Variants in VTI1A observed in about 807,000 individuals in gnomAD.
VTI1A encodes the protein vesicle transport through interaction with t-SNAREs homolog 1A.
A neutral mutation model predicts 34.9 loss-of-function variants in VTI1A; 22 were observed. The ratio of observed to expected loss-of-function variants is 0.63; its 90% CI spans 0.45 to 0.90. The LOEUF is 0.90. Among genes scored for constraint, VTI1A ranks in the 40% least tolerant of loss-of-function variants. The pLI, the probability that VTI1A is intolerant of heterozygous loss-of-function variation, is 0.00. For synonymous variants in VTI1A, 87 were observed against 97.3 expected (o/e 0.89, Z 0.62); for missense variants, 268 against 275.6 (o/e 0.97, Z 0.20).
intron 5 of VTI1A, chr10:112,548,929 A>T: frequency 1.3e-6 from 1 of 788,196 alleles, no homozygotes; most frequent in African/African-American, 1.7e-5. Flanking sequence ...ATTTTCTTCT[A>T]CTTCTACCTC....
At position 112,817,889 on chromosome 10, in the gene VTI1A, A is replaced by G. The variant is rs1853570496; in HGVS notation, c.*2506A>G. 1 of 233,210 alleles carries G rather than the reference A, an allele frequency of 4.3e-6. No individual in the cohort carries two copies. Among genetic ancestry groups the G allele is most frequent in the Admixed American group, 5.6e-5 (1 of 17,770 alleles). 14.4% of individuals were successfully genotyped at this position (233,210 alleles called of 1,614,324 possible). A position where few individuals can be genotyped will look rare whatever the true frequency, so the allele number is the denominator to read the frequency against. ...GATGAAGGCATGGAGGAGGAAGAAG[A>G]GAAGGAAGCCCTTGCCATATAAAAT... On this transcript the variant is annotated 3_prime_UTR_variant, in exon 8 of 8. Coordinates refer to ENST00000393077, the MANE Select transcript of VTI1A (RefSeq NM_145206.4).
At chr10:112,546,105 TGTATACAC>T (rs1851107212) in intron 5 of VTI1A, among the ~76,000 whole-genome samples, 1 of 148,160 alleles carries the variant, frequency 6.7e-6, no homozygotes, top group Non-Finnish European at 1.5e-5. Context: ...TGTATATACG[TGTATACAC>T]GTGTGTGTGT....
intron 5 of VTI1A, among the ~76,000 whole-genome samples, chr10:112,572,967 G>C (rs1407114730): frequency 6.6e-6 from 1 of 151,828 alleles, no homozygotes. Context: ...AGTTAAATCA[G>C]CTTTGTCTGG....
chr10:112,735,913 G>A (rs1010611589), intron 7 of VTI1A, among the ~76,000 whole-genome samples: 4 of 150,968 alleles, frequency 2.6e-5, no homozygotes, highest in South Asian at 2.1e-4. Context: ...ACAGAGACAC[G>A]GGGACAACGA....
At chr10:112,700,525 T>G (rs933931318) in intron 7 of VTI1A, among the ~76,000 whole-genome samples, 5 of 152,234 alleles carry the variant, frequency 3.3e-5, no homozygotes, top group African/African-American at 1.2e-4. Context: ...AGGCCTCAAA[T>G]GCATAATAAA....
intron 5 of VTI1A, among the ~76,000 whole-genome samples, chr10:112,616,991 A>T (rs1375220204): frequency 2.6e-5 from 4 of 152,190 alleles, no homozygotes; most frequent in African/African-American, 9.7e-5. Context: ...ATTTGAAAAG[A>T]TAATATCTGA....
intron 5 of VTI1A, among the ~76,000 whole-genome samples, chr10:112,613,879 G>T (rs1035993098): frequency 6.6e-6 from 1 of 152,190 alleles, no homozygotes; most frequent in Non-Finnish European, 1.5e-5. Flanking sequence ...TCTGTCATGC[G>T]TCAGCCTCAA....
At chr10:112,838,142 G>GTGGAAA in the VTI1A span, among the ~76,000 whole-genome samples, 1 of 152,238 alleles carries the variant, frequency 6.6e-6, no homozygotes, top group Non-Finnish European at 1.5e-5. Context: ...CGTGGCCTGG[G>GTGGAAA]AGGAAAAGAC....
At chr10:112,579,112 T>C (rs887728827) in intron 5 of VTI1A, among the ~76,000 whole-genome samples, 13 of 152,202 alleles carry the variant, frequency 8.5e-5, no homozygotes, top group Admixed American at 2.6e-4. Context: ...GAGACACACT[T>C]AAGAGATGCC....
At chr10:112,635,775 A>G (rs1033758975) in intron 5 of VTI1A, among the ~76,000 whole-genome samples, 4 of 152,224 alleles carry the variant, frequency 2.6e-5, no homozygotes, top group Admixed American at 1.3e-4. Flanking sequence ...CTGAGTTGAT[A>G]TGTGTGAGTC....
chr10:112,503,049 T>C (rs1849297001), intron 3 of VTI1A, among the ~76,000 whole-genome samples: 1 of 152,226 alleles, frequency 6.6e-6, no homozygotes, highest in South Asian at 2.1e-4. Flanking sequence ...GATAATTTTA[T>C]ATATTTATAT....
At chr10:112,840,460 C>T in the VTI1A span, among the ~76,000 whole-genome samples, 2 of 152,194 alleles carry the variant, frequency 1.3e-5, no homozygotes, top group Non-Finnish European at 1.5e-5. Flanking sequence ...TAGGCTAACT[C>T]CTTTGCTACA....
At chr10:112,472,014 T>C (rs775539167) in intron 3 of VTI1A, among the ~76,000 whole-genome samples, 1 of 152,182 alleles carries the variant, frequency 6.6e-6, no homozygotes, top group African/African-American at 2.4e-5. Flanking sequence ...GGACATGGTG[T>C]GTTGAATGCT....
chr10:112,697,399 C>CTTTTCTTTTTTT (rs745391297), intron 7 of VTI1A, among the ~76,000 whole-genome samples: 1 of 114,036 alleles, frequency 8.8e-6, no homozygotes, highest in African/African-American at 4.1e-5. Context: ...CTTTTCTTTT[C>CTTTTCTTTTTTT]TTTTTTTTTT....
chr10:112,668,383 ATG>A (rs1333592699), intron 6 of VTI1A, 95 bp downstream of exon 6: 13 of 1,331,614 alleles, frequency 9.8e-6, no homozygotes, highest in Non-Finnish European at 1.4e-5. Context: ...AGGTAGATAT[ATG>A]TGTGTAAGGT....
intron 5 of VTI1A, among the ~76,000 whole-genome samples, chr10:112,623,591 G>A (rs550892031): frequency 2.0e-5 from 3 of 152,010 alleles, no homozygotes; most frequent in East Asian, 3.9e-4. Context: ...TGTGGCCAGG[G>A]GCACATTCTC....
At chr10:112,747,685 T>C (rs1850947277) in intron 7 of VTI1A, among the ~76,000 whole-genome samples, 1 of 152,188 alleles carries the variant, frequency 6.6e-6, no homozygotes, top group South Asian at 2.1e-4. Context: ...GCTTGATACA[T>C]GCTTGATTCT....
chr10:112,835,782 T>C, the VTI1A span, among the ~76,000 whole-genome samples: 9 of 152,188 alleles, frequency 5.9e-5, no homozygotes, highest in Admixed American at 5.9e-4. Flanking sequence ...GTTTTGATAT[T>C]GGGCTTTAGT....
chr10:112,843,419 G>A, the VTI1A span, among the ~76,000 whole-genome samples: 34 of 152,330 alleles, frequency 2.2e-4, no homozygotes, highest in African/African-American at 7.9e-4. Context: ...TATATAGGAT[G>A]AGCAGGAAAA....
Sources: gnomAD v4.1 joint callset for allele counts (sites outside exome capture counted in the v4.1 genomes callset) on GRCh38, gnomAD v4.1.1 for gene constraint, MANE v1.5 for transcripts, NCBI Gene and HGNC (gene_info 2026-07-23, HGNC 2026-07-21) for gene names.